Variants in KLHL7 observed in about 807,000 individuals in gnomAD.
KLHL7 encodes the protein kelch-like protein 7.
In KLHL7, 44 loss-of-function variants were observed where a neutral mutation model predicts 67.4. That is an observed-to-expected ratio of 0.65 (90% CI 0.51 to 0.84). The LOEUF (loss-of-function observed/expected upper bound fraction) is 0.84, where lower values mean the gene tolerates loss of function less well. Ranked by LOEUF, KLHL7 falls within the 40% of genes least tolerant of loss-of-function variation. The pLI is 0.00. For synonymous variants in KLHL7, 252 were observed against 243.3 expected (o/e 1.04, Z -0.33); for missense variants, 362 against 718.1 (o/e 0.50, Z 5.67).
intron 7 of KLHL7, among the ~76,000 whole-genome samples, chr7:23,160,078 G>C (rs1583720996): frequency 1.3e-5 from 2 of 152,238 alleles, no homozygotes; most frequent in East Asian, 3.9e-4. Context: ...GACATCTCCT[G>C]TACTCTGTAC....
In KLHL7 at chr7:23,140,782, A is replaced by C. The variant is rs766298228; in HGVS notation, c.456A>C (p.Leu152=). 3.1e-6 allele frequency: 5 copies of C among 1,613,664 alleles called. No homozygotes were observed. Among genetic ancestry groups the C allele is most frequent in the Non-Finnish European group, 4.2e-6 (5 of 1,179,734 alleles). The part of the protein sequence containing the change: ...DASNCLGISV[L]AECLDCPELK... The stretch of plus-strand genomic sequence containing the variant: ...TTCTGTGTTTAGGTATAAGTGTGCT[A>C]GCGGAGTGTCTAGATTGTCCTGAAT... The change falls in exon 5 of 11, where the codon CTA becomes CTC. Residue 152 remains leucine, a synonymous_variant. Coordinates refer to ENST00000339077, the MANE Select transcript of KLHL7 (RefSeq NM_001031710.3).
chr7:23,108,107 T>C (rs1214850675), intron 1 of KLHL7, among the ~76,000 whole-genome samples: 2 of 152,318 alleles, frequency 1.3e-5, no homozygotes, highest in Non-Finnish European at 2.9e-5. Context: ...CCCTTTACAA[T>C]CTCATTGCTT....
At chr7:23,108,899 T>A (rs1782753509) in intron 1 of KLHL7, among the ~76,000 whole-genome samples, 2 of 152,258 alleles carry the variant, frequency 1.3e-5, no homozygotes, top group Non-Finnish European at 2.9e-5. Context: ...TCCCATTGAA[T>A]GAATATAGCA....
chr7:23,141,966 T>C (rs1333451481), intron 5 of KLHL7, among the ~76,000 whole-genome samples: 3 of 152,016 alleles, frequency 2.0e-5, no homozygotes, highest in Non-Finnish European at 4.4e-5. Context: ...TTGCCCAGGC[T>C]GGAGTGCAGT....
chr7:23,131,695 C>T (rs1299629982), intron 4 of KLHL7, among the ~76,000 whole-genome samples: 1 of 150,960 alleles, frequency 6.6e-6, no homozygotes. Context: ...TGACTATAGT[C>T]ACCCTGTTGT....
At position 23,177,056 on chromosome 7, in the gene KLHL7, C is replaced by T. The variant is rs1022847105; in HGVS notation, c.*2758C>T. 3 of 152,166 alleles carry T rather than the reference C, an allele frequency of 2.0e-5. No individual in the cohort carries two copies. The highest frequency in any genetic ancestry group is 4.8e-5 in the African/African-American group (2 of 41,424). The allele number at this position is 152,166 out of a possible 1,614,324, so 9.4% of individuals were successfully genotyped here. On this transcript the variant is annotated 3_prime_UTR_variant, in exon 11 of 11. Transcript: ENST00000339077. ...ATTTTAATTACACCTGTAAAGACCC[C>T]ATTTCCAAACGAGGACACATTCTGA...
At chr7:23,116,507 C>G (rs964083790) in intron 1 of KLHL7, among the ~76,000 whole-genome samples, 1 of 152,214 alleles carries the variant, frequency 6.6e-6, no homozygotes, top group African/African-American at 2.4e-5. Context: ...TGTTAACCTG[C>G]TTAAGTTGGA....
intron 4 of KLHL7, among the ~76,000 whole-genome samples, chr7:23,136,535 C>T (rs1435365593): frequency 6.6e-6 from 1 of 152,122 alleles, no homozygotes; most frequent in African/African-American, 2.4e-5. Context: ...GAATGTTTTA[C>T]CTAGTCATCA....
chr7:23,147,314 T>C (rs1437710275), intron 6 of KLHL7, among the ~76,000 whole-genome samples: 3 of 152,160 alleles, frequency 2.0e-5, no homozygotes, highest in Non-Finnish European at 2.9e-5. Flanking sequence ...AGCCTCAAAC[T>C]CCTGGCCTCA....
chr7:23,135,664 C>T (rs1283856239), intron 4 of KLHL7, among the ~76,000 whole-genome samples: 1 of 152,196 alleles, frequency 6.6e-6, no homozygotes, highest in Non-Finnish European at 1.5e-5. Context: ...AATTTCATAA[C>T]TGTGGCTATT....
intron 7 of KLHL7, among the ~76,000 whole-genome samples, chr7:23,155,800 T>G (rs1362536286): frequency 6.6e-6 from 1 of 152,220 alleles, no homozygotes. Context: ...AGCCAAGTGT[T>G]GGTGGAAAAT....
At position 23,106,016 on chromosome 7, in the gene KLHL7, G is replaced by T; in HGVS notation, c.-11G>T. On this transcript the variant is annotated 5_prime_UTR_variant, in exon 1 of 11. Coordinates refer to ENST00000339077, the MANE Select transcript of KLHL7 (RefSeq NM_001031710.3). ...CCGGCGAGCCCCGGGCGTGAACCGA[G>T]CTGAGGGAGGATGGCAGCCTCTGGG... The T allele has an allele frequency of 6.2e-7, 1 of 1,609,194 alleles. No individual in the cohort carries two copies. Among genetic ancestry groups the T allele is most frequent in the Non-Finnish European group, 8.5e-7 (1 of 1,178,664 alleles).
intron 6 of KLHL7, among the ~76,000 whole-genome samples, chr7:23,148,506 C>A (rs1239971161): frequency 6.6e-6 from 1 of 151,980 alleles, no homozygotes; most frequent in Admixed American, 6.5e-5. Flanking sequence ...GGCCACTTGT[C>A]TCTTTAAATG....
At chr7:23,125,794 A>T in intron 4 of KLHL7, 1 of 1,536,732 alleles carries the variant, frequency 6.5e-7, no homozygotes. Flanking sequence ...AGCCTTCCAG[A>T]GTGTGGTATG....
intron 7 of KLHL7, among the ~76,000 whole-genome samples, chr7:23,164,490 T>C (rs1784942271): frequency 6.6e-6 from 1 of 152,222 alleles, no homozygotes; most frequent in African/African-American, 2.4e-5. Context: ...AGTGAAAATA[T>C]TTTCCCCCAG....
chr7:23,159,910 T>A (rs187745307), intron 7 of KLHL7, among the ~76,000 whole-genome samples: 50 of 152,350 alleles, frequency 3.3e-4, no homozygotes, highest in Non-Finnish European at 1.2e-4. Context: ...TATGTTCATC[T>A]GACTCTTTTT....
At chr7:23,110,424 G>C (rs1782817550) in intron 1 of KLHL7, among the ~76,000 whole-genome samples, 1 of 152,076 alleles carries the variant, frequency 6.6e-6, no homozygotes, top group Non-Finnish European at 1.5e-5. Flanking sequence ...CATCTTTGTT[G>C]AGCATCTTTA....
At chr7:23,119,217 T>A (rs1331558762) in intron 1 of KLHL7, among the ~76,000 whole-genome samples, 2 of 152,212 alleles carry the variant, frequency 1.3e-5, no homozygotes, top group East Asian at 3.8e-4. Flanking sequence ...TTGTTCCTTT[T>A]TTTTTGAGAC....
At chr7:23,137,407 CAAG>C (rs1264563022) in intron 4 of KLHL7, among the ~76,000 whole-genome samples, 1 of 150,796 alleles carries the variant, frequency 6.6e-6, no homozygotes, top group Non-Finnish European at 1.5e-5. Flanking sequence ...CAAGTCTTAT[CAAG>C]AAGAAAAGAT....
Sources: allele counts gnomAD v4.1 joint callset (sites outside exome capture counted in the v4.1 genomes callset), GRCh38; gene constraint gnomAD v4.1.1; transcripts MANE v1.5; gene names NCBI Gene and HGNC (gene_info 2026-07-23, HGNC 2026-07-21).